The following DYM variants were observed in gnomAD, a reference collection of about 807,000 sequenced individuals.
DYM encodes dyggve-Melchior-Clausen syndrome protein.
A neutral mutation model predicts 93.1 loss-of-function variants in DYM; 78 were observed. The observed-to-expected ratio is 0.84, with a 90% CI of 0.70 to 1.01. DYM has a LOEUF of 1.01. Ranked by LOEUF, DYM falls within the 50% of genes least tolerant of loss-of-function variation. The pLI is 0.00. For synonymous variants in DYM, 321 were observed against 319.7 expected (o/e 1.00, Z -0.04); for missense variants, 789 against 845.0 (o/e 0.93, Z 0.82).
intron 2 of DYM, among the ~76,000 whole-genome samples, chr18:49,399,827 G>C (rs2070560154): frequency 6.6e-6 from 1 of 151,840 alleles, no homozygotes; most frequent in Admixed American, 6.6e-5. Context: ...TATTTCCCCT[G>C]GCTCCTTAGG....
chr18:49,325,758 C>G (rs540267451), intron 8 of DYM, among the ~76,000 whole-genome samples: 5 of 152,246 alleles, frequency 3.3e-5, no homozygotes, highest in African/African-American at 1.2e-4. Context: ...AGTCCAGAAT[C>G]AGGGAAGTTA....
At chr18:49,231,673 T>A (rs1277923292) in intron 13 of DYM, among the ~76,000 whole-genome samples, 1 of 152,164 alleles carries the variant, frequency 6.6e-6, no homozygotes, top group Non-Finnish European at 1.5e-5. Flanking sequence ...CTTTGTCAAA[T>A]AAAGTGGAGT....
At chr18:49,381,447 T>C (rs1390253850) in intron 3 of DYM, among the ~76,000 whole-genome samples, 1 of 152,220 alleles carries the variant, frequency 6.6e-6, no homozygotes, top group Admixed American at 6.5e-5. Flanking sequence ...CTAACTGTGA[T>C]AAAATGTCAA....
rs184593327 is a variant in DYM, at chr18:49,316,174, C to T, written c.763+15690G>A. On this transcript the variant is annotated intron_variant, in intron 8 of 17. Transcript: ENST00000675505. ...GCGCATGCCTGTAATCCCAGCTACTCGGGAGGCTGTGACAGGAGAATCGCT... is the reference window on the plus strand; with the variant it reads ...GCGCATGCCTGTAATCCCAGCTACTTGGGAGGCTGTGACAGGAGAATCGCT... 3.7e-4 allele frequency among the ~76,000 whole-genome samples: 57 copies of T among 152,090 alleles called. No homozygotes were observed. The East Asian group carries it at 8.5e-3, about 23-fold the overall frequency.
intron 8 of DYM, among the ~76,000 whole-genome samples, chr18:49,291,918 T>C (rs568840517): frequency 1.3e-4 from 20 of 152,178 alleles, no homozygotes; most frequent in Non-Finnish European, 2.4e-4. Context: ...TTTTAAAACA[T>C]TTAAAGCCAT....
intron 15 of DYM, among the ~76,000 whole-genome samples, chr18:49,119,237 T>C (rs924129317): frequency 2.0e-5 from 3 of 152,234 alleles, no homozygotes; most frequent in African/African-American, 7.2e-5. Context: ...CATATTGGTA[T>C]TCTCATTATC....
intron 14 of DYM, among the ~76,000 whole-genome samples, chr18:49,198,060 C>T (rs2091640958): frequency 6.6e-6 from 1 of 152,066 alleles, no homozygotes; most frequent in Non-Finnish European, 1.5e-5. Context: ...AGAACAGAGC[C>T]CTCAGAAATA....
At chr18:49,336,334 T>C (rs892559012) in intron 6 of DYM, among the ~76,000 whole-genome samples, 1 of 152,182 alleles carries the variant, frequency 6.6e-6, no homozygotes, top group African/African-American at 2.4e-5. Context: ...TCAAAATTAA[T>C]TGGGCCAAAC....
intron 6 of DYM, among the ~76,000 whole-genome samples, chr18:49,345,306 A>G (rs1392958144): frequency 3.3e-5 from 5 of 152,136 alleles, no homozygotes; most frequent in Admixed American, 3.3e-4. Context: ...ATCTAGCTGC[A>G]GGGAATCCTG....
At position 49,163,800 on chromosome 18, in the gene DYM, AC is replaced by A. The variant is rs1252137712; in HGVS notation, c.1626-14del. On this transcript the variant is annotated splice_polypyrimidine_tract_variant and intron_variant, in intron 14 of 17. Transcript: ENST00000675505. ...CAAAGAAAATAAACTGGAAAAACAA[AC>A]AAAAAACCAATTATATTAAAGGAAC... is the stretch of plus-strand genomic sequence containing the variant. The A allele has an allele frequency of 6.5e-7, 1 of 1,538,364 alleles. No individual in the cohort carries two copies. The highest frequency in any genetic ancestry group is 1.4e-5 in the African/African-American group (1 of 73,130).
intron 15 of DYM, among the ~76,000 whole-genome samples, chr18:49,159,582 G>C (rs2086851387): frequency 6.6e-6 from 1 of 152,160 alleles, no homozygotes; most frequent in Non-Finnish European, 1.5e-5. Context: ...GAAAGTTACA[G>C]TTTAGAAGCA....
At chr18:49,411,257 T>C (rs540673391) in intron 2 of DYM, among the ~76,000 whole-genome samples, 1 of 152,340 alleles carries the variant, frequency 6.6e-6, no homozygotes, top group South Asian at 2.1e-4. Context: ...TTGGAATTTC[T>C]ATATATTCCT....
chr18:49,420,340 T>A (rs1294294725), intron 2 of DYM, among the ~76,000 whole-genome samples: 1 of 151,924 alleles, frequency 6.6e-6, no homozygotes, highest in Non-Finnish European at 1.5e-5. Context: ...GCTAATTTTT[T>A]GTATTTTTAG....
chr18:49,045,635 C>T (rs2071383580), intron 17 of DYM, among the ~76,000 whole-genome samples: 1 of 152,122 alleles, frequency 6.6e-6, no homozygotes, highest in South Asian at 2.1e-4. Context: ...AGGAGAGAGA[C>T]AGAAACAGCA....
intron 8 of DYM, among the ~76,000 whole-genome samples, chr18:49,319,267 T>G (rs978694531): frequency 6.6e-6 from 1 of 152,070 alleles, no homozygotes; most frequent in Non-Finnish European, 1.5e-5. Flanking sequence ...AGGACTAGAG[T>G]TAATTGTCCT....
chr18:49,344,744 C>T (rs1319217615), intron 6 of DYM, among the ~76,000 whole-genome samples: 3 of 150,654 alleles, frequency 2.0e-5, no homozygotes, highest in African/African-American at 7.3e-5. Context: ...AGACTCTATA[C>T]AAAAATAAAT....
chr18:49,159,607 C>T (rs1226175930), intron 15 of DYM, among the ~76,000 whole-genome samples: 1 of 152,148 alleles, frequency 6.6e-6, no homozygotes, highest in African/African-American at 2.4e-5. Flanking sequence ...ATCTGTAGGG[C>T]ACAGTGGCTC....
chr18:49,128,435 T>A (rs1476482631), intron 15 of DYM, among the ~76,000 whole-genome samples: 1 of 152,178 alleles, frequency 6.6e-6, no homozygotes, highest in African/African-American at 2.4e-5. Flanking sequence ...AAAAGTAAAA[T>A]CTAAGTAAAG....
At chr18:49,204,334 G>A (rs1271050590) in intron 14 of DYM, among the ~76,000 whole-genome samples, 1 of 152,142 alleles carries the variant, frequency 6.6e-6, no homozygotes, top group Non-Finnish European at 1.5e-5. Context: ...ACAATCTGAA[G>A]AGCCGAGTTA....
Sources: gnomAD v4.1 joint callset for allele counts (sites outside exome capture counted in the v4.1 genomes callset) on GRCh38, gnomAD v4.1.1 for gene constraint, MANE v1.5 for transcripts, NCBI Gene and HGNC (gene_info 2026-07-23, HGNC 2026-07-21) for gene names.